Variants in IL1RAPL2 observed in about 807,000 individuals in gnomAD.
IL1RAPL2 encodes the protein X-linked interleukin-1 receptor accessory protein-like 2.
IL1RAPL2 carries 3 observed loss-of-function variants against 44.1 expected under a neutral mutation model. That is an observed-to-expected ratio of 0.07 (90% confidence interval 0.03 to 0.18). IL1RAPL2 has a LOEUF of 0.18. Among genes scored for constraint, IL1RAPL2 ranks in the 10% least tolerant of loss-of-function variants. IL1RAPL2 has a pLI of 1.00. For synonymous variants in IL1RAPL2, 181 were observed against 178.8 expected (o/e 1.01, Z -0.10); for missense variants, 391 against 496.4 (o/e 0.79, Z 2.02).
At chrX:105,432,975 G>A (rs778315832) in intron 5 of IL1RAPL2, among the ~76,000 whole-genome samples, 1 of 111,235 alleles carries the variant, frequency 9.0e-6, no homozygotes, top group South Asian at 3.8e-4. Flanking sequence ...TATAGACCAT[G>A]TCTGAGCATG....
chrX:105,521,475 T>A (rs933276208), intron 6 of IL1RAPL2, among the ~76,000 whole-genome samples: 2 of 111,838 alleles, frequency 1.8e-5, no homozygotes, highest in African/African-American at 6.5e-5. Flanking sequence ...AAACAGCCAG[T>A]CATCTGATGT....
intron 2 of IL1RAPL2, among the ~76,000 whole-genome samples, chrX:104,735,415 A>G (rs967550402): frequency 2.7e-5 from 3 of 110,972 alleles, no homozygotes; most frequent in Non-Finnish European, 5.7e-5. Context: ...ATGTCCATGA[A>G]TGGCAGTTGC....
chrX:104,575,340 C>T (rs1456991330), intron 1 of IL1RAPL2, among the ~76,000 whole-genome samples: 2 of 111,275 alleles, frequency 1.8e-5, no homozygotes, highest in Non-Finnish European at 3.8e-5. Context: ...ATATAACTTT[C>T]CATCAGCTAA....
At chrX:104,799,049 T>C (rs1238367800) in intron 2 of IL1RAPL2, among the ~76,000 whole-genome samples, 3 of 111,126 alleles carry the variant, frequency 2.7e-5, no homozygotes, top group Non-Finnish European at 3.8e-5. Context: ...TTAATCCTCA[T>C]GGCAACTCTA....
At position 104,773,510 on chromosome X, in the gene IL1RAPL2, A is replaced by G. The variant is rs1932669878; in HGVS notation, c.82+114515A>G. On this transcript the variant is annotated intron_variant, in intron 2 of 10. Coordinates refer to ENST00000372582, the MANE Select transcript of IL1RAPL2 (RefSeq NM_017416.2). ...CTCCCCACACCCAGCCCACGTGCTTACCATAGGCATATGAGGTAGGCCTAA... is the reference window on the plus strand; with the variant it reads ...CTCCCCACACCCAGCCCACGTGCTTGCCATAGGCATATGAGGTAGGCCTAA... 3.6e-5 allele frequency among the ~76,000 whole-genome samples: 4 copies of G among 111,684 alleles called. No individual in the cohort carries two copies. The South Asian group carries it at 1.5e-3, about 42-fold the overall frequency.
chrX:105,072,332 C>A (rs1260154148), intron 2 of IL1RAPL2, among the ~76,000 whole-genome samples: 1 of 111,532 alleles, frequency 9.0e-6, no homozygotes, highest in Admixed American at 9.6e-5. Context: ...TGGGTACTAT[C>A]TTTATAACAA....
chrX:105,263,452 C>T (rs2034376724), intron 4 of IL1RAPL2, among the ~76,000 whole-genome samples: 1 of 111,581 alleles, frequency 9.0e-6, no homozygotes, highest in Non-Finnish European at 1.9e-5. Context: ...CCACAACCAC[C>T]AAATCAAATG....
intron 2 of IL1RAPL2, among the ~76,000 whole-genome samples, chrX:104,892,401 T>C (rs1188492909): frequency 8.9e-6 from 1 of 111,945 alleles, no homozygotes; most frequent in Non-Finnish European, 1.9e-5. Flanking sequence ...TCTAGTAGAA[T>C]TCGGCTGTGA....
At chrX:105,185,084 C>G (rs2033572627) in intron 2 of IL1RAPL2, among the ~76,000 whole-genome samples, 2 of 111,076 alleles carry the variant, frequency 1.8e-5, no homozygotes, top group African/African-American at 6.5e-5. Context: ...ACATTTATTC[C>G]CACCTACACC....
At chrX:105,201,977 G>C (rs2033721532) in intron 3 of IL1RAPL2, among the ~76,000 whole-genome samples, 1 of 111,183 alleles carries the variant, frequency 9.0e-6, no homozygotes, top group Non-Finnish European at 1.9e-5. Context: ...TATAAGCAGG[G>C]GTCTCTGATT....
intron 2 of IL1RAPL2, among the ~76,000 whole-genome samples, chrX:104,889,227 G>A (rs1923347207): frequency 9.0e-6 from 1 of 111,227 alleles, no homozygotes; most frequent in Admixed American, 9.6e-5. Context: ...ACTCCCTGCA[G>A]CAGTGCCCCC....
chrX:104,852,433 G>A, intron 2 of IL1RAPL2, among the ~76,000 whole-genome samples: 1 of 111,878 alleles, frequency 8.9e-6, no homozygotes, highest in Non-Finnish European at 1.9e-5. Context: ...TTTGGTTTTT[G>A]CAGTCTTTTG....
At chrX:105,082,189 C>T (rs2032418637) in intron 2 of IL1RAPL2, among the ~76,000 whole-genome samples, 1 of 111,413 alleles carries the variant, frequency 9.0e-6, no homozygotes, top group African/African-American at 3.3e-5. Flanking sequence ...CAATTTCTTC[C>T]TGGTTTAAAC....
intron 5 of IL1RAPL2, among the ~76,000 whole-genome samples, chrX:105,333,625 G>A (rs1481495392): frequency 9.0e-6 from 1 of 111,367 alleles, no homozygotes; most frequent in East Asian, 2.8e-4. Context: ...TTTGACAAGG[G>A]GTTAATAACC....
intron 4 of IL1RAPL2, among the ~76,000 whole-genome samples, chrX:105,249,720 G>A (rs1418167156): frequency 9.0e-6 from 1 of 111,644 alleles, no homozygotes; most frequent in African/African-American, 3.2e-5. Flanking sequence ...ACAAGGATGT[G>A]TAGCAACAGG....
chrX:104,662,064 T>A (rs1431999889), intron 2 of IL1RAPL2, among the ~76,000 whole-genome samples: 3 of 112,395 alleles, frequency 2.7e-5, no homozygotes, highest in African/African-American at 9.7e-5. Flanking sequence ...GTGGAAGTTT[T>A]TTCTTCTGTA....
chrX:105,612,493 A>G (rs191239539), intron 6 of IL1RAPL2, among the ~76,000 whole-genome samples: 23 of 112,203 alleles, frequency 2.0e-4, no homozygotes, highest in African/African-American at 7.1e-4. Flanking sequence ...TCCTTCAAGG[A>G]CACTAATTTA....
chrX:104,842,616 C>T (rs1921938377), intron 2 of IL1RAPL2, among the ~76,000 whole-genome samples: 1 of 112,278 alleles, frequency 8.9e-6, no homozygotes, highest in South Asian at 3.7e-4. Flanking sequence ...GTTGTCATTG[C>T]TTTCTGTTTG....
intron 6 of IL1RAPL2, among the ~76,000 whole-genome samples, chrX:105,587,599 A>C (rs1185637808): frequency 8.9e-6 from 1 of 111,871 alleles, no homozygotes; most frequent in East Asian, 2.8e-4. Context: ...TTTGTAATAC[A>C]AGCACTTACA....
Sources: gnomAD v4.1 joint callset for allele counts (sites outside exome capture counted in the v4.1 genomes callset) on GRCh38, gnomAD v4.1.1 for gene constraint, MANE v1.5 for transcripts, NCBI Gene and HGNC (gene_info 2026-07-23, HGNC 2026-07-21) for gene names.